Variants in DTNA observed in about 807,000 individuals in gnomAD.
The protein encoded by DTNA is dystrophin-related protein 3.
In DTNA, 43 loss-of-function variants were observed where a neutral mutation model predicts 100.7. That is an observed-to-expected ratio of 0.43 (90% confidence interval 0.33 to 0.55). The LOEUF is 0.55. Ranked by LOEUF, DTNA falls within the 20% of genes least tolerant of loss-of-function variation. DTNA has a pLI of 0.04. For missense variants in DTNA, 798 were observed against 953.9 expected, an observed-to-expected ratio of 0.84 and a Z score of 2.15; for synonymous variants, 349 against 347.9, an observed-to-expected ratio of 1.00 and a Z score of -0.04.
At chr18:34,777,203 G>A (rs1247398124) in intron 3 of DTNA, among the ~76,000 whole-genome samples, 1 of 152,152 alleles carries the variant, frequency 6.6e-6, no homozygotes, top group Non-Finnish European at 1.5e-5. Flanking sequence ...TTTGGGCAAA[G>A]ATCAGTGTAT....
chr18:34,846,415 C>G (rs1302066651), intron 13 of DTNA, among the ~76,000 whole-genome samples: 1 of 152,102 alleles, frequency 6.6e-6, no homozygotes, highest in Non-Finnish European at 1.5e-5. Context: ...AGGCATCACA[C>G]TCTTTTGATG....
chr18:34,564,386 C>T (rs899083568), intron 1 of DTNA, among the ~76,000 whole-genome samples: 8 of 152,120 alleles, frequency 5.3e-5, no homozygotes, highest in Non-Finnish European at 1.2e-4. Flanking sequence ...TCAAGTGATC[C>T]GCCCGCCTCT....
chr18:34,646,870 C>T (rs1417914862), intron 1 of DTNA, among the ~76,000 whole-genome samples: 1 of 152,034 alleles, frequency 6.6e-6, no homozygotes, highest in Non-Finnish European at 1.5e-5. Flanking sequence ...CATGCGCCAC[C>T]ATGCCCAGCT....
At chr18:34,872,252 A>C (rs1172479053) in intron 17 of DTNA, among the ~76,000 whole-genome samples, 1 of 152,142 alleles carries the variant, frequency 6.6e-6, no homozygotes, top group Non-Finnish European at 1.5e-5. Context: ...GTGCACTAGG[A>C]GATGGGGAGA....
chr18:34,863,130 T>C (rs1363806234), intron 16 of DTNA, among the ~76,000 whole-genome samples: 1 of 152,224 alleles, frequency 6.6e-6, no homozygotes, highest in Non-Finnish European at 1.5e-5. Context: ...CAGTAATGGA[T>C]TTGGAATTTA....
At chr18:34,514,994 G>A (rs1326800993) in intron 1 of DTNA, among the ~76,000 whole-genome samples, 4 of 152,026 alleles carry the variant, frequency 2.6e-5, no homozygotes, top group African/African-American at 4.8e-5. Flanking sequence ...TGGGTGTTGG[G>A]AGGGTAGACT....
intron 1 of DTNA, among the ~76,000 whole-genome samples, chr18:34,657,042 A>G (rs2074489527): frequency 6.6e-6 from 1 of 151,918 alleles, no homozygotes; most frequent in South Asian, 2.1e-4. Flanking sequence ...ATGCATGGCT[A>G]ATTTTTTATA....
At chr18:34,540,652 G>A (rs541212197) in intron 1 of DTNA, among the ~76,000 whole-genome samples, 203 of 152,130 alleles carry the variant, frequency 1.3e-3, no homozygotes, top group African/African-American at 4.5e-3. Context: ...AAGAAGATCT[G>A]TGGGAAGTAA....
At chr18:34,620,453 T>C (rs2056260441) in intron 1 of DTNA, among the ~76,000 whole-genome samples, 1 of 152,214 alleles carries the variant, frequency 6.6e-6, no homozygotes, top group African/African-American at 2.4e-5. Context: ...AACAGGTATT[T>C]GTGCGAAATA....
At chr18:34,815,723 A>G (rs1050954128) in intron 6 of DTNA, 186 bp from the exon 7 acceptor site, 1 of 585,476 alleles carries the variant, frequency 1.7e-6, no homozygotes, top group East Asian at 3.1e-5. Flanking sequence ...CTGCTTAGGT[A>G]TAAAAAGCAA....
intron 1 of DTNA, among the ~76,000 whole-genome samples, chr18:34,581,621 G>GTTGTTGT (rs1567948846): frequency 1.8e-5 from 2 of 110,368 alleles, no homozygotes; most frequent in Non-Finnish European, 1.9e-5. Context: ...CCCCTAGTTA[G>GTTGTTGT]TTTTTTTTTT....
chr18:34,598,545 A>G (rs1391040921), intron 1 of DTNA, among the ~76,000 whole-genome samples: 1 of 152,178 alleles, frequency 6.6e-6, no homozygotes, highest in Non-Finnish European at 1.5e-5. Context: ...ATATTGTGAA[A>G]GCTTGTGGAA....
chr18:34,704,137 G>A (rs772415370), intron 1 of DTNA, among the ~76,000 whole-genome samples: 5 of 151,878 alleles, frequency 3.3e-5, no homozygotes, highest in Admixed American at 1.3e-4. Context: ...ACATGACATC[G>A]CATTTGCTTC....
chr18:34,563,967 A>G (rs983778336), intron 1 of DTNA, among the ~76,000 whole-genome samples: 6 of 150,842 alleles, frequency 4.0e-5, no homozygotes, highest in Non-Finnish European at 5.9e-5. Context: ...TTGCTTTCGT[A>G]TGTGTGTGTG....
At chr18:34,821,460 C>A (rs1002732238) in intron 9 of DTNA, 17 of 456,108 alleles carry the variant, frequency 3.7e-5, no homozygotes, top group South Asian at 1.7e-4. Context: ...TCCATAGATT[C>A]TTTTCTTCAA....
At chr18:34,848,808 G>T (rs2096428073) in intron 14 of DTNA, among the ~76,000 whole-genome samples, 1 of 152,196 alleles carries the variant, frequency 6.6e-6, no homozygotes, top group East Asian at 1.9e-4. Context: ...CTCCATTTGT[G>T]TCAGTCTCTA....
chr18:34,811,961 A>G lies in DTNA; in HGVS notation c.451A>G (p.Ile151Val). 6.2e-7 allele frequency: 1 copy of G among 1,613,856 alleles called. No individual in the cohort carries two copies. Among genetic ancestry groups the G allele is most frequent in the Non-Finnish European group, 8.5e-7 (1 of 1,179,876 alleles). Residue 151 changes from isoleucine (I) to valine (V), a missense_variant and splice_region_variant, in exon 6 of 23, where the codon ATT (isoleucine) becomes GTT (valine). By Grantham distance (29) the Ile-to-Val change is conservative. Transcript: ENST00000444659. ...GGKIMDKLRY[I>V]FSMISDSSGV... ...ATCTTTCCTTTTCCTTTCATCAGAT[A>G]TTTTCTCAATGATTTCTGACTCCAG...
intron 1 of DTNA, among the ~76,000 whole-genome samples, chr18:34,609,436 GAGTT>G (rs2053798748): frequency 6.6e-6 from 1 of 151,894 alleles, no homozygotes; most frequent in Admixed American, 6.6e-5. Context: ...AGTAGAGACG[GAGTT>G]TCACCGTGTT....
intron 5 of DTNA, among the ~76,000 whole-genome samples, chr18:34,810,446 A>G (rs1288406139): frequency 6.6e-6 from 1 of 151,624 alleles, no homozygotes; most frequent in Non-Finnish European, 1.5e-5. Context: ...AAAGATAAAT[A>G]CTGCATGTTC....
Sources: allele counts gnomAD v4.1 joint callset (sites outside exome capture counted in the v4.1 genomes callset), GRCh38; gene constraint gnomAD v4.1.1; transcripts MANE v1.5; gene names NCBI Gene and HGNC (gene_info 2026-07-23, HGNC 2026-07-21).